Variants in ZFPM2 observed in about 807,000 individuals in gnomAD.
ZFPM2 encodes zinc finger protein ZFPM2.
In ZFPM2, 20 loss-of-function variants were observed where a neutral mutation model predicts 98.6. The observed-to-expected ratio is 0.20, with a 90% CI of 0.14 to 0.29. The LOEUF (loss-of-function observed/expected upper bound fraction) is 0.29, where lower values mean the gene tolerates loss of function less well. Among genes scored for constraint, ZFPM2 ranks in the 10% least tolerant of loss-of-function variants. The pLI, the probability that ZFPM2 is intolerant of heterozygous loss-of-function variation, is 1.00. For missense variants in ZFPM2, 1,310 were observed against 1,388.6 expected (o/e 0.94, Z 0.90); for synonymous variants, 518 against 502.7 (o/e 1.03, Z -0.41).
intron 4 of ZFPM2, 112 bp downstream of exon 4, chr8:105,561,593 T>G: frequency 1.1e-6 from 1 of 916,732 alleles, no homozygotes; most frequent in Non-Finnish European, 1.6e-6. Context: ...AAATAACCAT[T>G]TGTTTTTGCT....
intron 5 of ZFPM2, among the ~76,000 whole-genome samples, chr8:105,643,571 T>A (rs1007796736): frequency 6.6e-6 from 1 of 152,098 alleles, no homozygotes; most frequent in Non-Finnish European, 1.5e-5. Context: ...GAGTACTATA[T>A]AAATGTATGG....
intron 2 of ZFPM2, among the ~76,000 whole-genome samples, chr8:105,433,579 A>G (rs1812061527): frequency 6.6e-6 from 1 of 152,150 alleles, no homozygotes; most frequent in African/African-American, 2.4e-5. Context: ...CAAGGTCAGG[A>G]GATCGAGACC....
intron 5 of ZFPM2, among the ~76,000 whole-genome samples, chr8:105,645,265 C>G (rs1563755909): frequency 6.6e-6 from 1 of 152,246 alleles, no homozygotes; most frequent in South Asian, 2.1e-4. Flanking sequence ...TATTATTTAA[C>G]TTTGCTCCTT....
chr8:105,615,479 T>C (rs972713706), intron 4 of ZFPM2, among the ~76,000 whole-genome samples: 1 of 152,084 alleles, frequency 6.6e-6, no homozygotes, highest in Non-Finnish European at 1.5e-5. Context: ...AGTCGAAGAG[T>C]GTGCATAGGT....
chr8:105,340,629 C>T (rs1204541352), intron 1 of ZFPM2, among the ~76,000 whole-genome samples: 4 of 151,830 alleles, frequency 2.6e-5, no homozygotes, highest in Non-Finnish European at 4.4e-5. Context: ...ATGGAGACTT[C>T]TAATTAATAA....
intron 5 of ZFPM2, among the ~76,000 whole-genome samples, chr8:105,743,613 G>C (rs1812276277): frequency 6.6e-6 from 1 of 151,958 alleles, no homozygotes; most frequent in Admixed American, 6.6e-5. Flanking sequence ...AGATTGTCTT[G>C]ACTCTCTTTG....
chr8:105,722,089 A>T (rs1193486248), intron 5 of ZFPM2, among the ~76,000 whole-genome samples: 2 of 151,710 alleles, frequency 1.3e-5, no homozygotes, highest in African/African-American at 4.8e-5. Flanking sequence ...GTAGTTATTA[A>T]TTTTTTAAAA....
chr8:105,427,898 G>A (rs925788628), intron 2 of ZFPM2, among the ~76,000 whole-genome samples: 7 of 152,078 alleles, frequency 4.6e-5, no homozygotes, highest in African/African-American at 1.4e-4. Context: ...TAATAACAAC[G>A]TCCATTTGCT....
At chr8:105,506,523 C>T (rs1210223819) in intron 3 of ZFPM2, among the ~76,000 whole-genome samples, 5 of 152,068 alleles carry the variant, frequency 3.3e-5, no homozygotes, top group Admixed American at 1.3e-4. Context: ...TACCTTCCGT[C>T]GGGAACACAA....
intron 5 of ZFPM2, among the ~76,000 whole-genome samples, chr8:105,717,118 C>T (rs1244090923): frequency 6.6e-6 from 1 of 152,032 alleles, no homozygotes; most frequent in African/African-American, 2.4e-5. Flanking sequence ...TCTTTCAATA[C>T]TCTCTACTGA....
chr8:105,365,317 G>C (rs750561943), intron 1 of ZFPM2, among the ~76,000 whole-genome samples: 5 of 152,132 alleles, frequency 3.3e-5, no homozygotes, highest in African/African-American at 7.2e-5. Context: ...TATAAAAGAC[G>C]AGGTTTTAGA....
At chr8:105,319,102 GT>G (rs1426458241) in intron 1 of ZFPM2, 121 bp downstream of exon 1, 2 of 1,210,052 alleles carry the variant, frequency 1.7e-6, no homozygotes, top group Non-Finnish European at 2.2e-6. Context: ...TCCCCTAGAT[GT>G]CTCAAACTTT....
intron 5 of ZFPM2, among the ~76,000 whole-genome samples, chr8:105,693,217 C>G (rs1810930713): frequency 6.6e-6 from 1 of 152,168 alleles, no homozygotes; most frequent in Non-Finnish European, 1.5e-5. Flanking sequence ...ACCAGTGATT[C>G]TTGGATGAGC....
chr8:105,504,411 G>A (rs188211260), intron 3 of ZFPM2, among the ~76,000 whole-genome samples: 2 of 152,276 alleles, frequency 1.3e-5, no homozygotes, highest in African/African-American at 4.8e-5. Context: ...TCCTAGTGAT[G>A]TGTCAAAAAA....
At chr8:105,412,085 A>G (rs1811587816) in intron 1 of ZFPM2, among the ~76,000 whole-genome samples, 1 of 151,870 alleles carries the variant, frequency 6.6e-6, no homozygotes, top group Non-Finnish European at 1.5e-5. Flanking sequence ...TTATATACAA[A>G]AACTGTTAAT....
At chr8:105,566,849 T>G (rs1563722893) in intron 4 of ZFPM2, among the ~76,000 whole-genome samples, 1 of 152,170 alleles carries the variant, frequency 6.6e-6, no homozygotes, top group Non-Finnish European at 1.5e-5. Flanking sequence ...GAAATCTCAT[T>G]TTATTCTGTT....
chr8:105,402,368 T>C (rs1811357029), intron 1 of ZFPM2, among the ~76,000 whole-genome samples: 1 of 152,070 alleles, frequency 6.6e-6, no homozygotes. Context: ...ATTTTGTCTT[T>C]ATTGAATGTA....
intron 1 of ZFPM2, among the ~76,000 whole-genome samples, chr8:105,382,693 A>G (rs569526204): frequency 3.2e-4 from 48 of 152,174 alleles, no homozygotes; most frequent in Non-Finnish European, 5.6e-4. Context: ...TTGTGATTTT[A>G]TGATGGAAAG....
intron 4 of ZFPM2, among the ~76,000 whole-genome samples, chr8:105,568,633 C>T (rs535152899): frequency 3.2e-4 from 48 of 152,222 alleles, no homozygotes; most frequent in Middle Eastern, 3.4e-3. Flanking sequence ...AAAGCCCCAC[C>T]GCTTCTCTCT....
Sources: allele counts gnomAD v4.1 joint callset (sites outside exome capture counted in the v4.1 genomes callset), GRCh38; gene constraint gnomAD v4.1.1; transcripts MANE v1.5; gene names NCBI Gene and HGNC (gene_info 2026-07-23, HGNC 2026-07-21).